The following UBR3 variants were observed in gnomAD, a reference collection of about 807,000 sequenced individuals.
UBR3 encodes E3 ubiquitin-protein ligase UBR3.
UBR3 carries 85 observed loss-of-function variants against 243.2 expected under a neutral mutation model. That is an observed-to-expected ratio of 0.35 (90% CI 0.29 to 0.42). The LOEUF (loss-of-function observed/expected upper bound fraction) is 0.42. Ranked by LOEUF, UBR3 falls within the 10% of genes least tolerant of loss-of-function variation. UBR3 has a pLI of 1.00. For missense variants in UBR3, 1,686 were observed against 2,300.8 expected (o/e 0.73, Z 5.47); for synonymous variants, 748 against 799.8 (o/e 0.94, Z 1.09).
At chr2:170,033,386 A>G (rs542618107) in intron 31 of UBR3, among the ~76,000 whole-genome samples, 17 of 152,064 alleles carry the variant, frequency 1.1e-4, no homozygotes, top group Admixed American at 5.9e-4. Context: ...CAGTTTTTAT[A>G]TATGAGGAAC....
At chr2:169,954,218 G>GTCTTC in intron 23 of UBR3, among the ~76,000 whole-genome samples, 1 of 137,728 alleles carries the variant, frequency 7.3e-6, no homozygotes, top group African/African-American at 2.7e-5. Context: ...GTCTTGTCTT[G>GTCTTC]TCTTGTCTTC....
chr2:170,026,192 G>T (rs1372428843), intron 30 of UBR3, among the ~76,000 whole-genome samples: 3 of 151,870 alleles, frequency 2.0e-5, no homozygotes, highest in Non-Finnish European at 4.4e-5. Context: ...GGAGAGAGTG[G>T]TACCAAAAAT....
chr2:169,857,801 C>G (rs1472024768), intron 1 of UBR3, among the ~76,000 whole-genome samples: 3 of 152,038 alleles, frequency 2.0e-5, no homozygotes, highest in Admixed American at 2.0e-4. Flanking sequence ...AGTGCAGTGG[C>G]ACTATCATGG....
chr2:169,925,913 A>C (rs1032887815), intron 14 of UBR3, among the ~76,000 whole-genome samples, 166 bp downstream of exon 14: 10 of 152,214 alleles, frequency 6.6e-5, no homozygotes, highest in Non-Finnish European at 1.3e-4. Context: ...ACCCAACACA[A>C]GGCTACAAGG....
chr2:170,060,317 T>C (rs2091432121), intron 33 of UBR3, among the ~76,000 whole-genome samples: 1 of 152,134 alleles, frequency 6.6e-6, no homozygotes, highest in Non-Finnish European at 1.5e-5. Context: ...TAAAAAGCCA[T>C]TATTTTTTCT....
chr2:169,842,095 C>T (rs555043905), intron 1 of UBR3, among the ~76,000 whole-genome samples: 35 of 151,962 alleles, frequency 2.3e-4, no homozygotes, highest in Non-Finnish European at 4.1e-4. Context: ...GTGAGTGCAC[C>T]AATCGACACT....
intron 32 of UBR3, among the ~76,000 whole-genome samples, chr2:170,050,366 A>G (rs1373821710): frequency 6.6e-6 from 1 of 152,196 alleles, no homozygotes; most frequent in Admixed American, 6.5e-5. Context: ...AAGCAGTGGA[A>G]TAGTATTTTT....
At chr2:169,991,117 AAGG>A (rs1263573168) in intron 25 of UBR3, among the ~76,000 whole-genome samples, 1 of 152,212 alleles carries the variant, frequency 6.6e-6, no homozygotes, top group Non-Finnish European at 1.5e-5. Context: ...AGAGACAAAG[AAGG>A]AGATTATATA....
intron 32 of UBR3, among the ~76,000 whole-genome samples, chr2:170,050,474 G>T (rs543199342): frequency 6.5e-4 from 99 of 152,234 alleles, no homozygotes; most frequent in African/African-American, 2.3e-3. Flanking sequence ...TAGGGATTTT[G>T]TTATTTTAGA....
intron 32 of UBR3, among the ~76,000 whole-genome samples, chr2:170,044,223 T>G (rs2091031817): frequency 6.6e-6 from 1 of 152,210 alleles, no homozygotes; most frequent in Non-Finnish European, 1.5e-5. Flanking sequence ...GTGTAACTGT[T>G]TAAGTTATTG....
chr2:170,071,917 A>G (rs1006162530), intron 35 of UBR3, among the ~76,000 whole-genome samples: 4 of 152,122 alleles, frequency 2.6e-5, no homozygotes, highest in African/African-American at 7.2e-5. Context: ...AAAAGTCAGG[A>G]AACAACAGGT....
intron 30 of UBR3, among the ~76,000 whole-genome samples, chr2:170,027,117 G>A (rs1294368722): frequency 2.0e-5 from 3 of 151,674 alleles, no homozygotes; most frequent in African/African-American, 4.8e-5. Context: ...ACTAAGAGGT[G>A]GCAAATCTTG....
chr2:169,879,643 A>G (rs753650822), intron 5 of UBR3, among the ~76,000 whole-genome samples: 2 of 152,204 alleles, frequency 1.3e-5, no homozygotes, highest in Non-Finnish European at 2.9e-5. Flanking sequence ...TGGAGATAAT[A>G]ATAGTACTTA....
intron 36 of UBR3, chr2:170,077,117 C>G (rs189903031): frequency 3.0e-5 from 13 of 430,570 alleles, no homozygotes; most frequent in Non-Finnish European, 5.0e-5. Context: ...TAATAAATCT[C>G]TTGATTGCAG....
At chr2:169,874,155 G>T (rs561672039) in intron 2 of UBR3, among the ~76,000 whole-genome samples, 1 of 150,464 alleles carries the variant, frequency 6.6e-6, no homozygotes, top group African/African-American at 2.4e-5. Flanking sequence ...ATTTCTGTCT[G>T]TGCAAAAAAA....
intron 1 of UBR3, among the ~76,000 whole-genome samples, chr2:169,856,798 G>T (rs978918681): frequency 6.6e-6 from 1 of 150,662 alleles, no homozygotes; most frequent in Non-Finnish European, 1.5e-5. Flanking sequence ...TCCAGCCTCG[G>T]CTTGGCATCA....
intron 23 of UBR3, among the ~76,000 whole-genome samples, chr2:169,950,615 C>A (rs1184508821): frequency 6.8e-6 from 1 of 146,546 alleles, no homozygotes; most frequent in Admixed American, 6.9e-5. Context: ...TTTTGACTTT[C>A]TTGAAAAAAA....
chr2:170,024,598 G>A (rs2090480476), intron 30 of UBR3, among the ~76,000 whole-genome samples: 1 of 151,890 alleles, frequency 6.6e-6, no homozygotes, highest in South Asian at 2.1e-4. Flanking sequence ...TAAATTTGGA[G>A]TTATATTTTT....
intron 29 of UBR3, chr2:170,013,845 G>A (rs1242571002): frequency 2.2e-6 from 1 of 460,112 alleles, no homozygotes; most frequent in Non-Finnish European, 4.5e-6. Flanking sequence ...CTACAGATTA[G>A]GCAACAGAAG....
Sources: allele counts gnomAD v4.1 joint callset (sites outside exome capture counted in the v4.1 genomes callset), GRCh38; gene constraint gnomAD v4.1.1; transcripts MANE v1.5; gene names NCBI Gene and HGNC (gene_info 2026-07-23, HGNC 2026-07-21).